The following MRPS14 variants were observed in gnomAD, a reference collection of about 807,000 sequenced individuals.
MRPS14 encodes mitochondrial ribosomal protein S14.
MRPS14 carries 14 observed loss-of-function variants against 16.4 expected under a neutral mutation model. That is an observed-to-expected ratio of 0.85 (90% CI 0.56 to 1.33). MRPS14 has a LOEUF of 1.33. Among genes scored for constraint, MRPS14 ranks in the 40% most tolerant of loss-of-function variants. The pLI, the probability that MRPS14 is intolerant of heterozygous loss-of-function variation, is 0.00. For missense variants in MRPS14, 162 were observed against 176.8 expected (o/e 0.92, Z 0.48); for synonymous variants, 54 against 61.9 (o/e 0.87, Z 0.60).
chr1:175,016,205 AAAC>A (rs1275921811), intron 2 of MRPS14, among the ~76,000 whole-genome samples: 6 of 152,144 alleles, frequency 3.9e-5, no homozygotes, highest in African/African-American at 1.2e-4. Context: ...AAAAAAAAAA[AAAC>A]AAAAAAAAAC....
intron 2 of MRPS14, among the ~76,000 whole-genome samples, chr1:175,016,862 T>A (rs1672889405): frequency 6.6e-6 from 1 of 152,200 alleles, no homozygotes. Context: ...TACTATTGAC[T>A]ATAGTTACGG....
chr1:175,020,948 T>C (rs1430914984), intron 1 of MRPS14, among the ~76,000 whole-genome samples: 1 of 152,098 alleles, frequency 6.6e-6, no homozygotes, highest in East Asian at 1.9e-4. Flanking sequence ...CTAAAACCTT[T>C]CCACTGGGCC....
chr1:175,018,368 G>A (rs1672919895), intron 2 of MRPS14, 50 bp downstream of exon 2: 5 of 1,504,820 alleles, frequency 3.3e-6, no homozygotes, highest in Non-Finnish European at 4.5e-6. Context: ...GTGATCTGAT[G>A]TTGAGTTAAT....
rs936438885 is a variant in MRPS14, at chr1:175,014,058, T to C, written c.*611A>G. On this transcript the variant is annotated 3_prime_UTR_variant, in exon 3 of 3. Transcript: ENST00000476371. ...ACTGTTCCAACAAACTTTTCCTCTT[T>C]AGATGGAGACTTTCAAGGACTTAAA... 2.6e-5 allele frequency: 4 copies of C among 152,768 alleles called. No homozygotes were observed. The highest frequency in any genetic ancestry group is 9.6e-5 in the African/African-American group (4 of 41,478). 9.5% of individuals were successfully genotyped at this position (152,768 alleles called of 1,614,324 possible).
intron 1 of MRPS14, among the ~76,000 whole-genome samples, chr1:175,021,227 G>C (rs1382261987): frequency 6.6e-6 from 1 of 152,068 alleles, no homozygotes; most frequent in African/African-American, 2.4e-5. Flanking sequence ...CATTGTTGCA[G>C]TCATCTACCA....
chr1:175,018,610 A>G (rs1208634578), intron 1 of MRPS14, 34 bp from the exon 2 acceptor site: 9 of 1,545,922 alleles, frequency 5.8e-6, no homozygotes, highest in Non-Finnish European at 7.8e-6. Context: ...AGTGAAGGAT[A>G]GCCAGGACAA....
At chr1:175,021,037 C>G (rs990937412) in intron 1 of MRPS14, among the ~76,000 whole-genome samples, 2 of 152,160 alleles carry the variant, frequency 1.3e-5, no homozygotes, top group Non-Finnish European at 2.9e-5. Flanking sequence ...TTGCTCTGGC[C>G]GAATTTTAAA....
rs1672832348 is a variant in MRPS14 at position 175,013,873 on chromosome 1, C to T, written c.*796G>A. 1 of 152,138 alleles carries T rather than the reference C, an allele frequency of 6.6e-6. No individual in the cohort carries two copies. The highest frequency in any genetic ancestry group is 2.4e-5 in the African/African-American group (1 of 41,432). The allele number at this position is 152,138 out of a possible 1,614,324, so 9.4% of individuals were successfully genotyped here. On this transcript the variant is annotated 3_prime_UTR_variant, in exon 3 of 3. Transcript: ENST00000476371. ...CTCACCTCCTGATTTATTAAGTTCTCCAGGAATATTTTCCTGATGTTAAGT... is the reference window on the plus strand; with the variant it reads ...CTCACCTCCTGATTTATTAAGTTCTTCAGGAATATTTTCCTGATGTTAAGT...
In MRPS14 at chr1:175,014,551, G is replaced by A. The variant is rs902656741; in HGVS notation, c.*118C>T. On this transcript the variant is annotated 3_prime_UTR_variant, in exon 3 of 3. Coordinates refer to ENST00000476371, the MANE Select transcript of MRPS14 (RefSeq NM_022100.3). ...GTAGTTTAGAGATAGCATCAGGTAG[G>A]CCAAACAACTGTACTGGGCCCCTGT... The A allele has an allele frequency of 2.0e-6, 2 of 984,234 alleles. No homozygotes were observed. The highest frequency in any genetic ancestry group is 2.0e-5 in the South Asian group (1 of 50,418). The allele number at this position is 984,234 out of a possible 1,614,324, so 61.0% of individuals were successfully genotyped here.
At chr1:175,023,299 G>T in intron 1 of MRPS14, 65 bp downstream of exon 1, 1 of 1,593,026 alleles carries the variant, frequency 6.3e-7, no homozygotes, top group South Asian at 1.1e-5. Context: ...AGAGCCGTGG[G>T]GGACCCGTGG....
intron 1 of MRPS14, chr1:175,022,516 G>A (rs565405143): frequency 2.7e-5 from 4 of 150,758 alleles, no homozygotes; most frequent in Admixed American, 6.6e-5. Flanking sequence ...AGTGGAGAAG[G>A]AACAAATAAA....
chr1:175,014,815 C>T lies in MRPS14; in HGVS notation c.241G>A (p.Asp81Asn). Residue 81 changes from aspartate to asparagine, a missense_variant, in exon 3 of 3, where the codon GAT becomes AAT. Physicochemically the swap from Asp to Asn is conservative, Grantham distance 23 (BLOSUM62 1). Transcript: ENST00000476371. ...TTTCTGATTCTAACAGGACAGCTAT[C>T]CCGGGGGAGGGCAGCAATTTCTTCA... ...ADEEIAALPRDSCPVRIRNRC... is the reference protein window; with the variant it reads ...ADEEIAALPRNSCPVRIRNRC... 1 of 1,614,054 alleles carries T rather than the reference C, an allele frequency of 6.2e-7. No individual in the cohort carries two copies. Among genetic ancestry groups the T allele is most frequent in the Non-Finnish European group, 8.5e-7 (1 of 1,179,980 alleles).
At chr1:175,018,236 G>T (rs1211934208) in intron 2 of MRPS14, among the ~76,000 whole-genome samples, 182 bp downstream of exon 2, 1 of 152,278 alleles carries the variant, frequency 6.6e-6, no homozygotes, top group Non-Finnish European at 1.5e-5. Context: ...GGCTAGTTAG[G>T]AGTGAATAGT....
At position 175,018,454 on chromosome 1, in the gene MRPS14, T is replaced by C; in HGVS notation, c.168A>G (p.Ser56=). The change falls in exon 2 of 3, where the codon TCA becomes TCG. Residue 56 remains serine, a synonymous_variant. Coordinates refer to ENST00000476371, the MANE Select transcript of MRPS14 (RefSeq NM_022100.3). The part of the protein sequence containing the change: ...EYADERLRIN[S]LRKNTILPKI... ...TTGGCAAAATGGTATTCTTCCTGAG[T>C]GAATTAATACGTAGCCTCTCATCTG... The C allele has an allele frequency of 6.2e-7, 1 of 1,606,294 alleles. No individual in the cohort carries two copies.
At chr1:175,020,989 T>C (rs571515737) in intron 1 of MRPS14, among the ~76,000 whole-genome samples, 3 of 152,320 alleles carry the variant, frequency 2.0e-5, no homozygotes, top group Admixed American at 6.5e-5. Flanking sequence ...ATCAAAATCT[T>C]TTAAATTCTC....
intron 1 of MRPS14, among the ~76,000 whole-genome samples, chr1:175,023,000 C>G (rs900596756): frequency 1.3e-5 from 2 of 152,150 alleles, no homozygotes; most frequent in Admixed American, 6.5e-5. Context: ...CCATCCCACT[C>G]TCCTAGTTTT....
At chr1:175,015,680 T>G (rs570014215) in intron 2 of MRPS14, among the ~76,000 whole-genome samples, 2 of 152,342 alleles carry the variant, frequency 1.3e-5, no homozygotes, top group East Asian at 3.9e-4. Flanking sequence ...GCTCAGGTTT[T>G]GTCAGTAGAG....
chr1:175,021,007 C>G (rs1304594943), intron 1 of MRPS14, among the ~76,000 whole-genome samples: 2 of 152,178 alleles, frequency 1.3e-5, no homozygotes, highest in Non-Finnish European at 2.9e-5. Flanking sequence ...CTCAATTTCT[C>G]TTGACATCTC....
chr1:175,016,933 A>G (rs1327649655), intron 2 of MRPS14, among the ~76,000 whole-genome samples: 1 of 152,022 alleles, frequency 6.6e-6, no homozygotes, highest in Non-Finnish European at 1.5e-5. Context: ...CCCTTTGACC[A>G]GTATCTCCTG....
Sources: allele counts gnomAD v4.1 joint callset (sites outside exome capture counted in the v4.1 genomes callset), GRCh38; gene constraint gnomAD v4.1.1; transcripts MANE v1.5; gene names NCBI Gene and HGNC (gene_info 2026-07-23, HGNC 2026-07-21).